Variants in MICOS10 observed in about 807,000 individuals in gnomAD.
MICOS10 encodes MICOS complex subunit MIC10.
A neutral mutation model predicts 13.4 loss-of-function variants in MICOS10; 5 were observed. The ratio of observed to expected loss-of-function variants is 0.37; its 90% CI spans 0.20 to 0.78. The LOEUF (loss-of-function observed/expected upper bound fraction) is 0.78, where lower values mean the gene tolerates loss of function less well. Among genes scored for constraint, MICOS10 ranks in the 30% least tolerant of loss-of-function variants. MICOS10 has a pLI of 0.47. For synonymous variants in MICOS10, 35 were observed against 33.6 expected (o/e 1.04, Z -0.15); for missense variants, 101 against 94.6 (o/e 1.07, Z -0.28).
At chr1:19,623,174 G>A (rs2094910337) in intron 2 of MICOS10, among the ~76,000 whole-genome samples, 1 of 152,048 alleles carries the variant, frequency 6.6e-6, no homozygotes, top group Non-Finnish European at 1.5e-5. Flanking sequence ...GCCCGCCTAC[G>A]CCTCCCAGAG....
At chr1:19,604,742 G>C (rs1411285146) in intron 1 of MICOS10, among the ~76,000 whole-genome samples, 1 of 152,162 alleles carries the variant, frequency 6.6e-6, no homozygotes, top group Non-Finnish European at 1.5e-5. Flanking sequence ...CCTTGGCAGG[G>C]GGTGGCACAC....
intron 1 of MICOS10, chr1:19,614,382 TTTCA>T (rs1419039724): frequency 2.4e-4 from 35 of 144,054 alleles, no homozygotes; most frequent in African/African-American, 1.0e-3. Context: ...CCACTCTCTC[TTTCA>T]CACACACACA....
chr1:19,599,740 G>A (rs1286197326), intron 1 of MICOS10, among the ~76,000 whole-genome samples: 1 of 152,170 alleles, frequency 6.6e-6, no homozygotes, highest in Non-Finnish European at 1.5e-5. Context: ...TCCAGAAGTG[G>A]AGGAGCTGGG....
intron 2 of MICOS10, 141 bp from the exon 3 acceptor site, chr1:19,623,332 TA>T: frequency 1.7e-6 from 1 of 599,270 alleles, no homozygotes; most frequent in Non-Finnish European, 3.0e-6. Context: ...GAAACATTGA[TA>T]AAAATGTATG....
intron 3 of MICOS10, chr1:19,623,898 A>G (rs2745232): frequency 0.086 from 16,466 of 191,158 alleles, 2,858 homozygotes; most frequent in African/African-American, 0.36. Context: ...AGCACTTTTC[A>G]TTTAAGAGCT....
chr1:19,614,772 GCTGA>G (rs1178767161), intron 1 of MICOS10, among the ~76,000 whole-genome samples: 1 of 152,212 alleles, frequency 6.6e-6, no homozygotes, highest in Non-Finnish European at 1.5e-5. Flanking sequence ...GAAGCCAACT[GCTGA>G]CTGAGTGAAG....
chr1:19,625,363 C>T (rs970459963), intron 3 of MICOS10: 4 of 1,285,268 alleles, frequency 3.1e-6, no homozygotes, highest in Non-Finnish European at 3.0e-6. Context: ...TAGCAGTATC[C>T]TGCCACGGCC....
intron 1 of MICOS10, among the ~76,000 whole-genome samples, chr1:19,618,306 GTTTTGT>G (rs1441295965): frequency 1.4e-5 from 2 of 148,090 alleles, no homozygotes; most frequent in Non-Finnish European, 2.9e-5. Context: ...TTATTATTTT[GTTTTGT>G]TTTTGTTTTT....
rs1372057443 is a variant in MICOS10, at chr1:19,628,754, GAGA to G, written c.*2358_*2360del. 1.3e-5 allele frequency: 2 copies of G among 150,322 alleles called. No homozygotes were observed. Among genetic ancestry groups the G allele is most frequent in the South Asian group, 2.1e-4 (1 of 4,756 alleles). 9.3% of individuals were successfully genotyped at this position (150,322 alleles called of 1,614,324 possible). ...ATTTTCCCATCCTCATTCAGGCAGA[GAGA>G]AGAATAACATGCCCCCTTCCAAAAA... On this transcript the variant is annotated 3_prime_UTR_variant, in exon 4 of 4. Transcript: ENST00000322753.
chr1:19,612,346 G>A (rs568074626), intron 1 of MICOS10, among the ~76,000 whole-genome samples: 1 of 151,838 alleles, frequency 6.6e-6, no homozygotes, highest in South Asian at 2.1e-4. Flanking sequence ...CACGTGCCAA[G>A]CCAATTCTTA....
chr1:19,615,991 T>C (rs2094882934), intron 1 of MICOS10, among the ~76,000 whole-genome samples: 1 of 152,090 alleles, frequency 6.6e-6, no homozygotes, highest in South Asian at 2.1e-4. Flanking sequence ...TGATCTTCGT[T>C]TACTGCAATC....
chr1:19,598,622 A>AG (rs1252238546), intron 1 of MICOS10, among the ~76,000 whole-genome samples: 3 of 150,926 alleles, frequency 2.0e-5, no homozygotes, highest in Admixed American at 1.3e-4. Flanking sequence ...AAAAAAAAAA[A>AG]AAAGGAGAAG....
intron 1 of MICOS10, among the ~76,000 whole-genome samples, chr1:19,608,994 CTTTTTTTTTTT>C (rs5772856): frequency 2.4e-3 from 148 of 60,592 alleles, no homozygotes; most frequent in African/African-American, 9.5e-3. Flanking sequence ...CTTTTCCCAG[CTTTTTTTTTTT>C]TTTTTTTTTT....
chr1:19,623,682 G>C, intron 3 of MICOS10, 99 bp downstream of exon 3: 1 of 783,056 alleles, frequency 1.3e-6, no homozygotes, highest in Non-Finnish European at 2.1e-6. Context: ...TAAACCATGT[G>C]TGTCATTGTG....
chr1:19,600,949 A>G (rs2094811807), intron 1 of MICOS10: 2 of 1,289,278 alleles, frequency 1.6e-6, no homozygotes, highest in South Asian at 1.2e-5. Flanking sequence ...AAGGGAAGCC[A>G]TGGTGAATGC....
intron 1 of MICOS10, among the ~76,000 whole-genome samples, chr1:19,621,064 C>G (rs758441379): frequency 6.6e-6 from 1 of 152,220 alleles, no homozygotes; most frequent in African/African-American, 2.4e-5. Context: ...ACCTCATTTT[C>G]TAGTACCAAT....
At chr1:19,625,942 G>A (rs1182647336) in intron 3 of MICOS10, among the ~76,000 whole-genome samples, 2 of 152,120 alleles carry the variant, frequency 1.3e-5, no homozygotes, top group African/African-American at 2.4e-5. Flanking sequence ...ACCATCCTGG[G>A]TGCTTTATCT....
intron 1 of MICOS10, 115 bp downstream of exon 1, chr1:19,597,224 T>G: frequency 8.9e-7 from 1 of 1,118,516 alleles, no homozygotes; most frequent in South Asian, 1.6e-5. Context: ...CTCGGCCTTT[T>G]CCGGCCCCTC....
At chr1:19,599,809 C>T (rs1027159916) in intron 1 of MICOS10, among the ~76,000 whole-genome samples, 1 of 152,182 alleles carries the variant, frequency 6.6e-6, no homozygotes, top group African/African-American at 2.4e-5. Context: ...GGAGTCAGAA[C>T]TGTGAAATGT....
Sources: allele counts gnomAD v4.1 joint callset (sites outside exome capture counted in the v4.1 genomes callset), GRCh38; gene constraint gnomAD v4.1.1; transcripts MANE v1.5; gene names NCBI Gene and HGNC (gene_info 2026-07-23, HGNC 2026-07-21).